Variants in CDK15 observed in about 807,000 individuals in gnomAD.
CDK15 encodes the protein cyclin-dependent kinase 15.
CDK15 carries 62 observed loss-of-function variants against 60.3 expected under a neutral mutation model. The observed-to-expected ratio is 1.03, with a 90% CI of 0.84 to 1.27. The LOEUF is 1.27. Among genes scored for constraint, CDK15 ranks in the 50% most tolerant of loss-of-function variants. The pLI is 0.00. For missense variants in CDK15, 541 were observed against 527.8 expected (o/e 1.03, Z -0.25); for synonymous variants, 194 against 195.7 (o/e 0.99, Z 0.07).
At chr2:201,842,353 C>T (rs1697429387) in intron 8 of CDK15, among the ~76,000 whole-genome samples, 1 of 152,156 alleles carries the variant, frequency 6.6e-6, no homozygotes, top group African/African-American at 2.4e-5. Flanking sequence ...ACAAGGTCAT[C>T]TATTCAGTAT....
At chr2:201,872,504 A>G (rs1410344031) in intron 11 of CDK15, among the ~76,000 whole-genome samples, 178 bp downstream of exon 11, 1 of 152,096 alleles carries the variant, frequency 6.6e-6, no homozygotes, top group Non-Finnish European at 1.5e-5. Context: ...ATTTTTTTCT[A>G]TGAACCATTT....
intron 12 of CDK15, among the ~76,000 whole-genome samples, chr2:201,880,853 C>A (rs899505163): frequency 7.1e-6 from 1 of 140,168 alleles, no homozygotes; most frequent in Non-Finnish European, 1.5e-5. Context: ...TCATGGGGGA[C>A]TATCCTTAGG....
rs781447974 is a variant in CDK15 at position 201,893,681 on chromosome 2, G to A, written c.*414G>A. 1 of 152,156 alleles carries A rather than the reference G, an allele frequency of 6.6e-6. No homozygotes were observed. Among genetic ancestry groups the A allele is most frequent in the Non-Finnish European group, 1.5e-5 (1 of 68,026 alleles). 9.4% of individuals were successfully genotyped at this position (152,156 alleles called of 1,614,324 possible). On this transcript the variant is annotated 3_prime_UTR_variant, in exon 14 of 14. Transcript: ENST00000652192. ...ACAGAGCTGGTGCTTACAGAGACCTGCCACTCCTGTGTTCACTTACAATTT... is the reference window on the plus strand; with the variant it reads ...ACAGAGCTGGTGCTTACAGAGACCTACCACTCCTGTGTTCACTTACAATTT...
intron 6 of CDK15, among the ~76,000 whole-genome samples, chr2:201,829,177 A>G (rs1356993771): frequency 1.3e-5 from 2 of 152,206 alleles, no homozygotes; most frequent in Admixed American, 6.5e-5. Context: ...GATTGGGATG[A>G]GGGCAATACT....
chr2:201,807,988 G>C, intron 3 of CDK15, 36 bp downstream of exon 3: 1 of 1,550,588 alleles, frequency 6.4e-7, no homozygotes. Flanking sequence ...CTTTAGAGAT[G>C]AGAGTCCCGC....
intron 10 of CDK15, among the ~76,000 whole-genome samples, chr2:201,864,248 G>T (rs1433133520): frequency 6.6e-6 from 1 of 152,156 alleles, no homozygotes; most frequent in Non-Finnish European, 1.5e-5. Context: ...TGACAAGAAA[G>T]AACAGGAAAA....
At chr2:201,845,183 C>T (rs1187838729) in intron 8 of CDK15, among the ~76,000 whole-genome samples, 1 of 151,504 alleles carries the variant, frequency 6.6e-6, no homozygotes, top group Non-Finnish European at 1.5e-5. Flanking sequence ...GCAATAAAAA[C>T]AACCTGTTGC....
intron 4 of CDK15, among the ~76,000 whole-genome samples, chr2:201,815,254 T>A (rs1169137640): frequency 6.6e-6 from 1 of 152,218 alleles, no homozygotes; most frequent in African/African-American, 2.4e-5. Context: ...TTTTCATACT[T>A]CTTTCAATCC....
intron 12 of CDK15, chr2:201,889,493 G>A (rs1699568598): frequency 1.1e-6 from 1 of 875,938 alleles, no homozygotes; most frequent in Non-Finnish European, 1.4e-6. Flanking sequence ...TAAACTTACA[G>A]CAATCTGCCA....
At chr2:201,826,310 A>G (rs1238060656) in intron 6 of CDK15, among the ~76,000 whole-genome samples, 2 of 152,146 alleles carry the variant, frequency 1.3e-5, no homozygotes, top group African/African-American at 2.4e-5. Context: ...AATATAAAAA[A>G]TTAGCCAGGC....
intron 11 of CDK15, among the ~76,000 whole-genome samples, chr2:201,873,041 G>A (rs1488808388): frequency 6.6e-6 from 1 of 152,184 alleles, no homozygotes; most frequent in East Asian, 1.9e-4. Flanking sequence ...TCTTGCAGGT[G>A]GGGAGAAGTG....
At chr2:201,890,985 G>T in intron 13 of CDK15, 58 bp downstream of exon 13, 1 of 860,660 alleles carries the variant, frequency 1.2e-6, no homozygotes, top group Non-Finnish European at 1.9e-6. Context: ...AATTGGTGCC[G>T]GGTGGAGAGG....
In CDK15 at chr2:201,890,836, A is replaced by G; in HGVS notation, c.1250A>G (p.Asp417Gly). 6.2e-7 allele frequency: 1 copy of G among 1,613,722 alleles called. No homozygotes were observed. Among genetic ancestry groups the G allele is most frequent in the South Asian group, 1.1e-5 (1 of 90,966 alleles). The change falls in exon 13 of 14, where the codon GAC becomes GGC. Residue 417 changes from aspartate to glycine, a missense_variant. Transcript: ENST00000652192. ...SGVRLKPEMC[D>G]LLASYQKGHH... ...GTGAGGCTAAAGCCAGAAATGTGTG[A>G]CCTTTTGGCCTCCTACCAGAAAGGT...
chr2:201,845,026 G>A lies in CDK15; in HGVS notation c.852-2355G>A, dbSNP rs189329838. On this transcript the variant is annotated intron_variant, in intron 8 of 13. Coordinates refer to ENST00000652192, the MANE Select transcript of CDK15 (RefSeq NM_001366386.2). ...TAGCCAGGCATGCTGGTGCATGCCT[G>A]TAATCCCAGTTACTCAGGAGGCTGA... is the stretch of plus-strand genomic sequence containing the variant. Among the ~76,000 whole-genome samples the A allele has an allele frequency of 3.6e-3, 550 of 152,176 alleles. 5 individuals are homozygous for A. The highest frequency in any genetic ancestry group is 0.013 in the African/African-American group (527 of 41,516).
chr2:201,826,520 A>G (rs2105721842), intron 6 of CDK15, among the ~76,000 whole-genome samples: 1 of 151,464 alleles, frequency 6.6e-6, no homozygotes, highest in Admixed American at 6.6e-5. Flanking sequence ...AACAGTCTAG[A>G]ATAGGAGAGC....
chr2:201,812,115 A>G (rs1418581294), intron 3 of CDK15, among the ~76,000 whole-genome samples: 3 of 148,208 alleles, frequency 2.0e-5, no homozygotes, highest in African/African-American at 7.4e-5. Flanking sequence ...TGGAGGTTGC[A>G]GTGAGCCAAG....
intron 7 of CDK15, among the ~76,000 whole-genome samples, chr2:201,835,291 C>T (rs1696957953): frequency 6.6e-6 from 1 of 152,162 alleles, no homozygotes; most frequent in Admixed American, 6.5e-5. Flanking sequence ...CTGCCACTTC[C>T]TGCTCATCAC....
chr2:201,831,241 C>G (rs1167659048), intron 6 of CDK15, among the ~76,000 whole-genome samples: 3 of 152,184 alleles, frequency 2.0e-5, no homozygotes, highest in Admixed American at 6.6e-5. Context: ...GATGGAAGGA[C>G]TCAGGCTTCC....
intron 9 of CDK15, among the ~76,000 whole-genome samples, chr2:201,849,145 C>T (rs932963972): frequency 6.6e-6 from 1 of 152,114 alleles, no homozygotes; most frequent in African/African-American, 2.4e-5. Context: ...CTTTCGTTTC[C>T]TTGTCTGTAA....
Sources: allele counts gnomAD v4.1 joint callset (sites outside exome capture counted in the v4.1 genomes callset), GRCh38; gene constraint gnomAD v4.1.1; transcripts MANE v1.5; gene names NCBI Gene and HGNC (gene_info 2026-07-23, HGNC 2026-07-21).